Variants in COL4A4 observed in about 807,000 individuals in gnomAD.
COL4A4 encodes the protein collagen type IV alpha 4 chain, also known as collagen alpha-4(IV) chain.
COL4A4 carries 105 observed loss-of-function variants against 192.9 expected under a neutral mutation model. The ratio of observed to expected loss-of-function variants is 0.54; its 90% CI spans 0.46 to 0.64. The LOEUF is 0.64. Among genes scored for constraint, COL4A4 ranks in the 30% least tolerant of loss-of-function variants. The pLI is 0.00. For missense variants in COL4A4, 1,967 were observed against 2,169.3 expected, an observed-to-expected ratio of 0.91 and a Z score of 1.85; for synonymous variants, 762 against 769.9, an observed-to-expected ratio of 0.99 and a Z score of 0.17.
chr2:227,162,438 T>C (rs997908411), intron 1 of COL4A4, among the ~76,000 whole-genome samples: 2 of 152,194 alleles, frequency 1.3e-5, no homozygotes, highest in African/African-American at 4.8e-5. Context: ...CATAATCATG[T>C]GACTCTCAGA....
intron 17 of COL4A4, among the ~76,000 whole-genome samples, chr2:227,100,439 T>A (rs58552861): frequency 0.014 from 2,174 of 151,888 alleles, 58 homozygotes; most frequent in African/African-American, 0.048. Flanking sequence ...AAAAATATTT[T>A]AAAAAAAATA....
intron 20 of COL4A4, among the ~76,000 whole-genome samples, chr2:227,093,733 C>T (rs1427699430): frequency 6.6e-6 from 1 of 152,074 alleles, no homozygotes; most frequent in Non-Finnish European, 1.5e-5. Flanking sequence ...TTCCATTTAG[C>T]CAGCTCTATG....
At chr2:227,075,038 G>A (rs1394537454) in intron 25 of COL4A4, among the ~76,000 whole-genome samples, 5 of 152,054 alleles carry the variant, frequency 3.3e-5, no homozygotes, top group Admixed American at 6.6e-5. Context: ...AAAAGCCCAC[G>A]ACCAGATGGA....
intron 24 of COL4A4, among the ~76,000 whole-genome samples, chr2:227,079,697 G>A (rs1315007105): frequency 1.3e-5 from 2 of 152,200 alleles, no homozygotes; most frequent in African/African-American, 4.8e-5. Flanking sequence ...CTATTTGACA[G>A]ATGGGTAGCC....
intron 4 of COL4A4, among the ~76,000 whole-genome samples, chr2:227,130,575 A>T (rs866367421): frequency 1.2e-4 from 18 of 152,130 alleles, no homozygotes; most frequent in African/African-American, 4.3e-4. Flanking sequence ...AGTCTCCCCC[A>T]GAGCTCTTCA....
intron 25 of COL4A4, among the ~76,000 whole-genome samples, chr2:227,074,910 T>G (rs1435733291): frequency 2.6e-5 from 4 of 152,022 alleles, no homozygotes; most frequent in Non-Finnish European, 5.9e-5. Flanking sequence ...AAAGGGAGGA[T>G]GCCCCAAGAC....
chr2:227,101,695 A>G (rs2060532350), intron 16 of COL4A4, 138 bp from the exon 17 acceptor site: 1 of 1,086,344 alleles, frequency 9.2e-7, no homozygotes, highest in African/African-American at 1.6e-5. Context: ...TGCATCAGAC[A>G]ATCTTGTGCT....
At chr2:227,079,913 T>C (rs561045912) in intron 24 of COL4A4, among the ~76,000 whole-genome samples, 1 of 152,314 alleles carries the variant, frequency 6.6e-6, no homozygotes, top group South Asian at 2.1e-4. Flanking sequence ...TACCATTACC[T>C]ACACATGGTA....
At chr2:226,992,526 C>A in the COL4A4 span, among the ~76,000 whole-genome samples, 1 of 151,966 alleles carries the variant, frequency 6.6e-6, no homozygotes, top group Admixed American at 6.6e-5. Flanking sequence ...ATTGTTATAC[C>A]CAAGGTCTTC....
chr2:227,112,123 TC>T (rs2061244512), intron 8 of COL4A4, among the ~76,000 whole-genome samples: 1 of 152,202 alleles, frequency 6.6e-6, no homozygotes, highest in African/African-American at 2.4e-5. Context: ...GGAAATTGCC[TC>T]ACACCAGCCT....
the COL4A4 span, chr2:226,995,480 A>AGAAAT: frequency 6.2e-7 from 1 of 1,613,214 alleles, no homozygotes; most frequent in Non-Finnish European, 8.5e-7. Flanking sequence ...TCTCACCAGA[A>AGAAAT]GAAATGAGGA....
intron 22 of COL4A4, among the ~76,000 whole-genome samples, chr2:227,087,137 C>T (rs76643279): frequency 0.035 from 5,377 of 152,262 alleles, 330 homozygotes; most frequent in African/African-American, 0.12. Context: ...GTGGGCAGTG[C>T]TTGCATTATG....
At chr2:227,046,850 A>T (rs73076212) in intron 35 of COL4A4, among the ~76,000 whole-genome samples, 5,944 of 152,056 alleles carry the variant, frequency 0.039, 440 homozygotes, top group African/African-American at 0.14. Context: ...TGTCACAAGA[A>T]CTCAATGGTG....
At position 227,119,916 on chromosome 2, in the gene COL4A4, A is replaced by G; in HGVS notation, c.351T>C (p.Phe117=). 1 of 1,586,700 alleles carries G rather than the reference A, an allele frequency of 6.3e-7. No individual in the cohort carries two copies. The highest frequency in any genetic ancestry group is 1.2e-5 in the South Asian group (1 of 84,786). Residue 117 remains phenylalanine (F), a synonymous_variant, in exon 6 of 48, where the codon TTT becomes TTC. Transcript: ENST00000396625. ...GDKGPTGVPG[F]PGLDGIPGHP... ...TTACAGGTATGCCATCTAAACCTGG[A>G]AATCCAGGAACACCAGTTGGACCCT...
At chr2:227,161,602 T>C (rs1272660212) in intron 1 of COL4A4, among the ~76,000 whole-genome samples, 1 of 152,146 alleles carries the variant, frequency 6.6e-6, no homozygotes, top group Non-Finnish European at 1.5e-5. Context: ...AGGTGGGGAA[T>C]AGGTGGTTAA....
intron 25 of COL4A4, among the ~76,000 whole-genome samples, chr2:227,070,831 T>G (rs551619406): frequency 6.6e-6 from 1 of 151,698 alleles, no homozygotes; most frequent in African/African-American, 2.4e-5. Flanking sequence ...CATATGTAAC[T>G]AACCTGCACA....
chr2:227,101,674 T>G (rs991124365), intron 16 of COL4A4, 117 bp from the exon 17 acceptor site: 1 of 1,123,150 alleles, frequency 8.9e-7, no homozygotes, highest in Non-Finnish European at 1.3e-6. Flanking sequence ...GTCTTAACAC[T>G]GTTCATCAGT....
At chr2:227,101,242 T>C (rs2060505199) in intron 17 of COL4A4, among the ~76,000 whole-genome samples, 1 of 152,214 alleles carries the variant, frequency 6.6e-6, no homozygotes, top group Admixed American at 6.5e-5. Flanking sequence ...TCTTGCCTTC[T>C]GCCATGATTG....
At chr2:227,010,246 G>GA (rs1215954182) in intron 46 of COL4A4, 67 bp downstream of exon 46, 17 of 1,506,962 alleles carry the variant, frequency 1.1e-5, no homozygotes. Context: ...AGGTGCTGAT[G>GA]AATCAGTAAA....
Sources: allele counts gnomAD v4.1 joint callset (sites outside exome capture counted in the v4.1 genomes callset), GRCh38; gene constraint gnomAD v4.1.1; transcripts MANE v1.5; gene names NCBI Gene and HGNC (gene_info 2026-07-23, HGNC 2026-07-21).